FLRT1: variants seen among roughly 807,000 people sequenced by gnomAD.
FLRT1 encodes the protein leucine-rich repeat transmembrane protein FLRT1.
FLRT1 carries 14 observed loss-of-function variants against 30.9 expected under a neutral mutation model. The observed-to-expected ratio is 0.45, with a 90% CI of 0.30 to 0.71. The LOEUF (loss-of-function observed/expected upper bound fraction) is 0.71. Ranked by LOEUF, FLRT1 falls within the 30% of genes least tolerant of loss-of-function variation. FLRT1 has a pLI of 0.08. For synonymous variants in FLRT1, 368 were observed against 430.4 expected, an observed-to-expected ratio of 0.85 and a Z score of 1.80; for missense variants, 737 against 949.2, an observed-to-expected ratio of 0.78 and a Z score of 2.94.
chr11:64,065,248 C>T (rs1248510168), intron 1 of FLRT1, among the ~76,000 whole-genome samples: 9 of 152,124 alleles, frequency 5.9e-5, no homozygotes, highest in African/African-American at 1.2e-4. Flanking sequence ...GTTGAGCGAT[C>T]GGAGCAGTGA....
intron 1 of FLRT1, among the ~76,000 whole-genome samples, chr11:64,083,417 A>G (rs1268714559): frequency 6.6e-6 from 1 of 152,142 alleles, no homozygotes; most frequent in East Asian, 1.9e-4. Context: ...GCCTGGCAAC[A>G]CTGCCTGGGC....
At position 64,116,359 on chromosome 11, in the gene FLRT1, T is replaced by G. The variant is rs529757926; in HGVS notation, c.92T>G (p.Leu31Arg). The G allele has an allele frequency of 2.5e-5, 40 of 1,613,260 alleles. No homozygotes were observed. The South Asian group carries it at 3.8e-4, about 16-fold the overall frequency. ...TVVMTTATMD[L>R]RDWLFLCYGL... ...GTGATGACCACGGCCACCATGGACC[T>G]GCGGGACTGGCTGTTCCTCTGCTAC... is the stretch of plus-strand genomic sequence containing the variant. Residue 31 changes from leucine to arginine, a missense_variant, in exon 3 of 3, where the codon CTG (leucine) becomes CGG (arginine). Physicochemically the swap from Leu to Arg is moderately radical, Grantham distance 102. Transcript: ENST00000682287.
Position 64,116,636 on chromosome 11 carries a change from C to G in FLRT1, c.369C>G (p.Ile123Met). The change falls in exon 3 of 3, where the codon ATC becomes ATG. Residue 123 changes from isoleucine to methionine, a missense_variant. By Grantham distance (10) the Ile-to-Met change is conservative. Coordinates refer to ENST00000682287, the MANE Select transcript of FLRT1 (RefSeq NM_013280.5). ...AGAATGACCTGGATGAGTTCCCCATCAACCTGCCCCGCTCCCTCCGGGAGC... is the reference window on the plus strand; with the variant it reads ...AGAATGACCTGGATGAGTTCCCCATGAACCTGCCCCGCTCCCTCCGGGAGC... Reference protein sequence around the residue: ...LYENDLDEFPINLPRSLRELH... With the variant: ...LYENDLDEFPMNLPRSLRELH... The G allele has an allele frequency of 1.9e-6, 3 of 1,614,166 alleles. No individual in the cohort carries two copies. Among genetic ancestry groups the G allele is most frequent in the Non-Finnish European group, 2.5e-6 (3 of 1,180,036 alleles).
At chr11:64,085,135 G>A (rs1429773359) in intron 1 of FLRT1, among the ~76,000 whole-genome samples, 2 of 152,326 alleles carry the variant, frequency 1.3e-5, no homozygotes, top group East Asian at 3.9e-4. Context: ...GGGAGGATTG[G>A]GGGTTCTGGG....
At chr11:64,104,601 C>T (rs982158018) in intron 2 of FLRT1, among the ~76,000 whole-genome samples, 12 of 152,070 alleles carry the variant, frequency 7.9e-5, no homozygotes, top group African/African-American at 2.9e-4. Flanking sequence ...TGCCCTGGCG[C>T]CTGCTGCCCT....
intron 1 of FLRT1, among the ~76,000 whole-genome samples, chr11:64,060,980 G>A (rs376305498): frequency 1.3e-5 from 2 of 151,920 alleles, no homozygotes; most frequent in Non-Finnish European, 2.9e-5. Flanking sequence ...CCAGGCGACC[G>A]GGCGGGCCGG....
chr11:64,087,613 C>T (rs1459405403), intron 1 of FLRT1, among the ~76,000 whole-genome samples: 6 of 152,220 alleles, frequency 3.9e-5, no homozygotes, highest in African/African-American at 1.4e-4. Context: ...GCAAGGCTGG[C>T]CTTGCCCGCG....
chr11:64,102,712 C>T (rs2134563543), intron 1 of FLRT1, among the ~76,000 whole-genome samples: 1 of 152,224 alleles, frequency 6.6e-6, no homozygotes, highest in South Asian at 2.1e-4. Context: ...TGGAAAGAGG[C>T]AGGAGATAGG....
intron 2 of FLRT1, 38 bp from the exon 3 acceptor site, chr11:64,116,181 G>A (rs563109387): frequency 4.1e-5 from 62 of 1,508,550 alleles, no homozygotes; most frequent in African/African-American, 2.3e-4. Context: ...CGCTGTCGCC[G>A]CCTCCCTCTC....
intron 1 of FLRT1, among the ~76,000 whole-genome samples, chr11:64,059,709 G>T (rs996843323): frequency 5.9e-5 from 9 of 152,232 alleles, no homozygotes; most frequent in African/African-American, 1.9e-4. Context: ...AGAGGGGCAG[G>T]TCACTCAGCT....
intron 1 of FLRT1, among the ~76,000 whole-genome samples, chr11:64,086,566 T>C (rs1169863945): frequency 6.6e-6 from 1 of 152,098 alleles, no homozygotes; most frequent in Non-Finnish European, 1.5e-5. Flanking sequence ...CCAGCCTTCC[T>C]CCTGCCTCCG....
intron 1 of FLRT1, among the ~76,000 whole-genome samples, chr11:64,049,347 G>A (rs1321759938): frequency 2.6e-5 from 4 of 152,350 alleles, no homozygotes; most frequent in Admixed American, 6.5e-5. Context: ...CCCAAAGGCT[G>A]TGCTGTTCAC....
In FLRT1 at chr11:64,118,097, C is replaced by T; in HGVS notation, c.1830C>T (p.Ser610=). 1 of 1,611,642 alleles carries T rather than the reference C, an allele frequency of 6.2e-7. No individual in the cohort carries two copies. The highest frequency in any genetic ancestry group is 1.3e-5 in the African/African-American group (1 of 75,018). Residue 610 remains serine (S), a synonymous_variant, in exon 3 of 3, where the codon TCC becomes TCT. Coordinates refer to ENST00000682287, the MANE Select transcript of FLRT1 (RefSeq NM_013280.5). ...AGTCAGGGACCAAGAAGGATAACTCCATCCTGGAAATCCGCGGCCCTGGGC... is the reference window on the plus strand; with the variant it reads ...AGTCAGGGACCAAGAAGGATAACTCTATCCTGGAAATCCGCGGCCCTGGGC... ...YMESGTKKDN[S]ILEIRGPGLQ...
At chr11:64,037,746 G>A (rs866473214) in intron 1 of FLRT1, among the ~76,000 whole-genome samples, 1 of 152,160 alleles carries the variant, frequency 6.6e-6, no homozygotes, top group African/African-American at 2.4e-5. Context: ...TGGAGGCTCC[G>A]TAGCCCACAC....
intron 1 of FLRT1, among the ~76,000 whole-genome samples, chr11:64,084,391 G>A (rs1043019793): frequency 2.0e-5 from 3 of 152,128 alleles, no homozygotes; most frequent in Non-Finnish European, 2.9e-5. Flanking sequence ...CTCTGCCCCC[G>A]CTGCCTGAGC....
chr11:64,117,106 A>G lies in FLRT1; in HGVS notation c.839A>G (p.Asn280Ser), dbSNP rs371858243. 2.0e-5 allele frequency: 32 copies of G among 1,607,328 alleles called. No individual in the cohort carries two copies. Among genetic ancestry groups the G allele is most frequent in the Non-Finnish European group, 2.5e-5 (30 of 1,177,028 alleles). The change falls in exon 3 of 3, where the codon AAT (asparagine) becomes AGT (serine). Residue 280 changes from asparagine to serine, a missense_variant. Physicochemically the swap from Asn to Ser is conservative, Grantham distance 46 (BLOSUM62 1). Coordinates refer to ENST00000682287, the MANE Select transcript of FLRT1 (RefSeq NM_013280.5). The stretch of plus-strand genomic sequence containing the variant: ...CTGCAGAAGCTCTACCTGCAGGACA[A>G]TGCCATCAGCCACATCCCCTACAAC... ...AHLQKLYLQD[N>S]AISHIPYNTL...
intron 1 of FLRT1, among the ~76,000 whole-genome samples, chr11:64,037,915 C>T (rs1164711791): frequency 6.6e-6 from 1 of 152,206 alleles, no homozygotes; most frequent in African/African-American, 2.4e-5. Context: ...CAGGGTGCTG[C>T]TTTGTAAGTG....
chr11:64,088,634 C>T (rs1162027447), intron 1 of FLRT1, among the ~76,000 whole-genome samples: 3 of 152,194 alleles, frequency 2.0e-5, no homozygotes, highest in Non-Finnish European at 4.4e-5. Context: ...GCACACACCA[C>T]CAGGCCACCC....
rs112195962 is a variant in FLRT1 at position 64,062,683 on chromosome 11, A to G, written c.-1038+26524A>G. On this transcript the variant is annotated intron_variant, in intron 1 of 2. Coordinates refer to ENST00000682287, the MANE Select transcript of FLRT1 (RefSeq NM_013280.5). ...TGCAGCAAGGTTTCTCAGGGAAGCC[A>G]GAGTGCTGAAGGCTTCCAGTGTGCC... is the stretch of plus-strand genomic sequence containing the variant. Among the ~76,000 whole-genome samples the G allele has an allele frequency of 1.0e-3, 155 of 152,316 alleles. 3 individuals carry two copies. The highest frequency in any genetic ancestry group is 3.4e-3 in the Middle Eastern group (1 of 294).
Sources: allele counts gnomAD v4.1 joint callset (sites outside exome capture counted in the v4.1 genomes callset), GRCh38; gene constraint gnomAD v4.1.1; transcripts MANE v1.5; gene names NCBI Gene and HGNC (gene_info 2026-07-23, HGNC 2026-07-21).